Variants in PRRX2 observed in about 807,000 individuals in gnomAD.
The protein encoded by PRRX2 is paired mesoderm homeobox protein 2.
Under a neutral mutation model 18.0 loss-of-function variants are expected in PRRX2, and 11 were observed. The observed-to-expected ratio is 0.61, with a 90% CI of 0.39 to 1.01. PRRX2 has a LOEUF of 1.01. PRRX2 is among the 50% of genes least tolerant of loss of function. The pLI, the probability that PRRX2 is intolerant of heterozygous loss-of-function variation, is 0.01. For synonymous variants in PRRX2, 177 were observed against 154.8 expected, an observed-to-expected ratio of 1.14 and a Z score of -1.06; for missense variants, 387 against 351.0, an observed-to-expected ratio of 1.10 and a Z score of -0.82.
chr9:129,672,217 C>T lies in PRRX2; in HGVS notation c.259+6091C>T, dbSNP rs113453420. ...GTGTACCACCCTGGGCCAGAGGCTG[C>T]GCCAGTGGAGCAGAAGGGGGTGGCC... On this transcript the variant is annotated intron_variant, in intron 1 of 3. Transcript: ENST00000372469. Among the ~76,000 whole-genome samples, 411 of 152,208 alleles carry T rather than the reference C, an allele frequency of 2.7e-3. 4 individuals carry two copies. Among genetic ancestry groups the T allele is most frequent in the African/African-American group, 9.5e-3 (395 of 41,506 alleles).
chr9:129,684,488 AC>A (rs1832276058), intron 1 of PRRX2, among the ~76,000 whole-genome samples: 1 of 79,218 alleles, frequency 1.3e-5, no homozygotes, highest in African/African-American at 5.8e-5. Flanking sequence ...GAAATCACAC[AC>A]ACACACACAC....
intron 1 of PRRX2, among the ~76,000 whole-genome samples, chr9:129,698,514 C>T (rs1165478232): frequency 6.6e-6 from 1 of 152,192 alleles, no homozygotes; most frequent in Non-Finnish European, 1.5e-5. Flanking sequence ...CCCGCCACGC[C>T]TGCCTTCCTT....
intron 1 of PRRX2, among the ~76,000 whole-genome samples, chr9:129,666,982 CG>C (rs1365483042): frequency 6.6e-6 from 1 of 152,178 alleles, no homozygotes; most frequent in Non-Finnish European, 1.5e-5. Context: ...CCACCCGCCC[CG>C]GGGGACCCTG....
Position 129,719,513 on chromosome 9 carries a change from T to A in PRRX2, c.447+95T>A, listed in dbSNP as rs1588177815. The A allele has an allele frequency of 2.2e-6, 3 of 1,354,454 alleles. No homozygotes were observed. In the East Asian group the frequency reaches 8.5e-5, roughly 38 times the overall value. The allele number at this position is 1,354,454 out of a possible 1,614,324, so 83.9% of individuals were successfully genotyped here. A position where few individuals can be genotyped will look rare whatever the true frequency, so the allele number is the denominator to read the frequency against. ...ATTACACAGTTGCCCAGGAGGGGTGTTTGAGCAGGAGCATCTGAGGCCAGG... is the reference window on the plus strand; with the variant it reads ...ATTACACAGTTGCCCAGGAGGGGTGATTGAGCAGGAGCATCTGAGGCCAGG... On this transcript the variant is annotated intron_variant, in intron 2 of 3. Transcript: ENST00000372469.
At chr9:129,666,919 C>T (rs2119044041) in intron 1 of PRRX2, among the ~76,000 whole-genome samples, 1 of 152,316 alleles carries the variant, frequency 6.6e-6, no homozygotes, top group South Asian at 2.1e-4. Context: ...ATGGGCCGGC[C>T]TGCTGGGGGC....
intron 1 of PRRX2, among the ~76,000 whole-genome samples, chr9:129,717,930 G>A (rs1294591845): frequency 6.6e-6 from 1 of 152,130 alleles, no homozygotes. Context: ...GGAGGGAAGG[G>A]GGTTTGGTTC....
intron 1 of PRRX2, among the ~76,000 whole-genome samples, chr9:129,688,924 T>G (rs1832326019): frequency 6.6e-6 from 1 of 152,136 alleles, no homozygotes. Flanking sequence ...ATTCATAGAA[T>G]GGAAAGGAAA....
chr9:129,667,764 C>A (rs1239008915), intron 1 of PRRX2, among the ~76,000 whole-genome samples: 1 of 152,166 alleles, frequency 6.6e-6, no homozygotes, highest in Non-Finnish European at 1.5e-5. Flanking sequence ...TGGCGGGTTT[C>A]CCCGGGGATC....
intron 1 of PRRX2, among the ~76,000 whole-genome samples, chr9:129,682,608 G>C (rs1832247437): frequency 1.3e-5 from 2 of 152,184 alleles, no homozygotes; most frequent in African/African-American, 2.4e-5. Context: ...GCTGGAGGGA[G>C]GAGGGCAGGG....
At chr9:129,666,262 G>C in intron 1 of PRRX2, 136 bp downstream of exon 1, 2 of 719,632 alleles carry the variant, frequency 2.8e-6, no homozygotes, top group Non-Finnish European at 3.4e-6. Flanking sequence ...CTGGGGGCGC[G>C]TGTAAGTGAC....
intron 1 of PRRX2, among the ~76,000 whole-genome samples, chr9:129,711,264 G>A (rs560381229): frequency 6.6e-6 from 1 of 152,140 alleles, no homozygotes; most frequent in African/African-American, 2.4e-5. Context: ...TGGTCATGTG[G>A]CATCAGTATG....
At position 129,675,927 on chromosome 9, in the gene PRRX2, G is replaced by A. The variant is rs899451878; in HGVS notation, c.259+9801G>A. On this transcript the variant is annotated intron_variant, in intron 1 of 3. Transcript: ENST00000372469. This position sits in a 1 kb window ranked among gnomAD's most constrained non-coding sequence, Gnocchi z 4.4. ...CTTTCATTAGACTAACAAATAACGCGTAACAGAAAACAGCTGTTAACAGCA... is the reference window on the plus strand; with the variant it reads ...CTTTCATTAGACTAACAAATAACGCATAACAGAAAACAGCTGTTAACAGCA... Among the ~76,000 whole-genome samples, 5 of 152,198 alleles carry A rather than the reference G, an allele frequency of 3.3e-5. No individual in the cohort carries two copies. Among genetic ancestry groups the A allele is most frequent in the African/African-American group, 1.2e-4 (5 of 41,452 alleles).
intron 1 of PRRX2, among the ~76,000 whole-genome samples, chr9:129,676,540 A>G (rs1464859888): frequency 6.6e-6 from 1 of 152,230 alleles, no homozygotes; most frequent in African/African-American, 2.4e-5. Context: ...TGGAGAAGCC[A>G]GAGCCCATGT....
Position 129,719,278 on chromosome 9 carries a change from A to C in PRRX2, c.307A>C (p.Lys103Gln), listed in dbSNP as rs201179051. The stretch of plus-strand genomic sequence containing the variant: ...CGGTAGCGCCGCCAAGCGGAAGAAG[A>C]AGCAGCGGCGGAACCGCACCACGTT... ...GRGSAAKRKKKQRRNRTTFNS... is the reference protein window; with the variant it reads ...GRGSAAKRKKQQRRNRTTFNS... Residue 103 changes from lysine to glutamine, a missense_variant, in exon 2 of 4, where the codon AAG becomes CAG. By Grantham distance (53) the Lys-to-Gln change is moderately conservative. Coordinates refer to ENST00000372469, the MANE Select transcript of PRRX2 (RefSeq NM_016307.4). The C allele has an allele frequency of 2.6e-4, 422 of 1,609,498 alleles. 2 individuals are homozygous for C. The highest frequency in any genetic ancestry group is 1.1e-3 in the South Asian group (97 of 90,552).
intron 1 of PRRX2, among the ~76,000 whole-genome samples, chr9:129,691,929 GTACTTATT>G (rs1832365736): frequency 6.7e-6 from 1 of 148,190 alleles, no homozygotes; most frequent in Non-Finnish European, 1.5e-5. Flanking sequence ...GGCCTAGACG[GTACTTATT>G]TATTTATTTA....
At chr9:129,686,090 G>C (rs1165662553) in intron 1 of PRRX2, among the ~76,000 whole-genome samples, 1 of 152,236 alleles carries the variant, frequency 6.6e-6, no homozygotes, top group African/African-American at 2.4e-5. Context: ...GAGTACCAGC[G>C]TCCAAGGAGC....
intron 1 of PRRX2, among the ~76,000 whole-genome samples, chr9:129,701,270 A>G (rs1044531129): frequency 6.6e-6 from 1 of 152,234 alleles, no homozygotes; most frequent in Non-Finnish European, 1.5e-5. Flanking sequence ...CACAGCGGGA[A>G]GCAGTCTACC....
At chr9:129,710,657 T>C (rs953988582) in intron 1 of PRRX2, among the ~76,000 whole-genome samples, 1 of 152,108 alleles carries the variant, frequency 6.6e-6, no homozygotes, top group Non-Finnish European at 1.5e-5. Flanking sequence ...CGTTTGAACC[T>C]GGGAGGCGGA....
At chr9:129,672,882 G>GTTCATTCA (rs3054758) in intron 1 of PRRX2, among the ~76,000 whole-genome samples, 89 of 150,152 alleles carry the variant, frequency 5.9e-4, no homozygotes, top group East Asian at 4.0e-3. Context: ...TCCCGCACTT[G>GTTCATTCA]TTCATTCATT....
Sources: gnomAD v4.1 joint callset for allele counts (sites outside exome capture counted in the v4.1 genomes callset) on GRCh38, gnomAD v4.1.1 for gene constraint, Gnocchi (gnomAD v3.1) non-coding constraint, MANE v1.5 for transcripts, NCBI Gene and HGNC (gene_info 2026-07-23, HGNC 2026-07-21) for gene names.